Variants in DCLK1 observed in about 807,000 individuals in gnomAD.
DCLK1 encodes doublecortin like kinase 1, also known as serine/threonine-protein kinase DCLK1.
Under a neutral mutation model 86.2 loss-of-function variants are expected in DCLK1, and 16 were observed. The ratio of observed to expected loss-of-function variants is 0.19; its 90% CI spans 0.13 to 0.28. The LOEUF (loss-of-function observed/expected upper bound fraction) is 0.28. Ranked by LOEUF, DCLK1 falls within the 10% of genes least tolerant of loss-of-function variation. The pLI is 1.00. For synonymous variants in DCLK1, 369 were observed against 370.5 expected (o/e 1.00, Z 0.05); for missense variants, 590 against 940.2 (o/e 0.63, Z 4.87).
intron 4 of DCLK1, among the ~76,000 whole-genome samples, chr13:35,883,408 C>G (rs1047592966): frequency 6.6e-6 from 1 of 152,140 alleles, no homozygotes; most frequent in African/African-American, 2.4e-5. Flanking sequence ...TCTCCCTTGC[C>G]TCCTCTCTCC....
intron 3 of DCLK1, among the ~76,000 whole-genome samples, chr13:36,105,258 T>C (rs945321152): frequency 1.3e-5 from 2 of 148,422 alleles, no homozygotes; most frequent in Non-Finnish European, 3.0e-5. Context: ...ATATGATTAG[T>C]CATTATAAAA....
At chr13:36,116,128 T>C (rs1374564020) in intron 2 of DCLK1, among the ~76,000 whole-genome samples, 1 of 151,760 alleles carries the variant, frequency 6.6e-6, no homozygotes, top group Admixed American at 6.6e-5. Context: ...TTTTATATTT[T>C]TAGTAGAGAC....
At chr13:35,847,634 AG>A (rs1870291671) in intron 6 of DCLK1, 1 of 854,840 alleles carries the variant, frequency 1.2e-6, no homozygotes, top group African/African-American at 1.9e-5. Flanking sequence ...AAAGAAAGAA[AG>A]AAAGAAAGAA....
chr13:36,007,105 T>C (rs1355106405), intron 3 of DCLK1, among the ~76,000 whole-genome samples: 3 of 152,214 alleles, frequency 2.0e-5, no homozygotes, highest in East Asian at 3.9e-4. Flanking sequence ...CAAGGCTCAT[T>C]GGTCAACTCA....
At chr13:35,793,152 G>A (rs551365466) in intron 16 of DCLK1, among the ~76,000 whole-genome samples, 9 of 152,128 alleles carry the variant, frequency 5.9e-5, no homozygotes, top group Non-Finnish European at 1.3e-4. Flanking sequence ...AGACACCCTG[G>A]AGGTGTTGGA....
intron 4 of DCLK1, among the ~76,000 whole-genome samples, chr13:35,885,971 G>T (rs1873204272): frequency 1.3e-5 from 2 of 151,442 alleles, no homozygotes; most frequent in East Asian, 3.9e-4. Context: ...CTCTTAGACA[G>T]CAGGGAAAGC....
At chr13:35,992,544 C>T (rs1354504990) in intron 3 of DCLK1, among the ~76,000 whole-genome samples, 1 of 151,768 alleles carries the variant, frequency 6.6e-6, no homozygotes, top group Non-Finnish European at 1.5e-5. Context: ...CACTGGAAAT[C>T]TACTCCTGAC....
At chr13:35,912,820 T>C (rs919988879) in intron 4 of DCLK1, among the ~76,000 whole-genome samples, 1 of 152,104 alleles carries the variant, frequency 6.6e-6, no homozygotes, top group Non-Finnish European at 1.5e-5. Flanking sequence ...ACTGAGCTGA[T>C]AACACACCAC....
intron 3 of DCLK1, among the ~76,000 whole-genome samples, chr13:36,096,806 G>T (rs1317748688): frequency 6.6e-6 from 1 of 152,148 alleles, no homozygotes; most frequent in East Asian, 1.9e-4. Context: ...AGGTAGGAGA[G>T]AAGAATAGAC....
intron 3 of DCLK1, among the ~76,000 whole-genome samples, chr13:35,957,356 A>C (rs1384623131): frequency 6.6e-6 from 1 of 152,024 alleles, no homozygotes. Flanking sequence ...AATTTTGTTG[A>C]CTCTTACTCA....
intron 4 of DCLK1, among the ~76,000 whole-genome samples, chr13:35,878,396 C>T (rs1170326023): frequency 6.6e-6 from 1 of 152,052 alleles, no homozygotes; most frequent in Admixed American, 6.6e-5. Context: ...GTAAGACTCC[C>T]ATCCTACTGC....
intron 15 of DCLK1, among the ~76,000 whole-genome samples, chr13:35,799,237 T>C (rs1593601271): frequency 9.2e-6 from 1 of 108,130 alleles, no homozygotes; most frequent in African/African-American, 5.7e-5. Context: ...GGCTTCAGGC[T>C]TGAGCCTCAG....
intron 16 of DCLK1, among the ~76,000 whole-genome samples, chr13:35,786,349 T>C (rs1353503434): frequency 1.3e-5 from 2 of 152,258 alleles, no homozygotes; most frequent in Non-Finnish European, 2.9e-5. Context: ...TAATTGTATA[T>C]TAACTTTACA....
At chr13:36,013,809 G>A (rs1388639128) in intron 3 of DCLK1, among the ~76,000 whole-genome samples, 3 of 152,162 alleles carry the variant, frequency 2.0e-5, no homozygotes, top group Non-Finnish European at 2.9e-5. Context: ...GGGCAATGGC[G>A]GGCGCCCCTC....
intron 3 of DCLK1, among the ~76,000 whole-genome samples, chr13:36,045,356 A>G (rs1459132031): frequency 2.3e-5 from 3 of 127,900 alleles, no homozygotes; most frequent in African/African-American, 6.0e-5. Context: ...ATATATATAT[A>G]TATATATATA....
chr13:35,774,784 G>T, intron 16 of DCLK1, 85 bp from the exon 17 acceptor site: 1 of 1,443,092 alleles, frequency 6.9e-7, no homozygotes, highest in Non-Finnish European at 9.4e-7. Flanking sequence ...TCTGAGGTCA[G>T]AAAAAATACA....
At chr13:35,794,043 A>C (rs1371717475) in intron 15 of DCLK1, among the ~76,000 whole-genome samples, 1 of 152,176 alleles carries the variant, frequency 6.6e-6, no homozygotes, top group African/African-American at 2.4e-5. Context: ...GCTGCCTTCA[A>C]ATCATCTGTT....
intron 4 of DCLK1, among the ~76,000 whole-genome samples, chr13:35,887,435 T>A (rs149807330): frequency 1.6e-3 from 247 of 152,246 alleles, no homozygotes; most frequent in African/African-American, 5.4e-3. Context: ...GCTGTCCTGT[T>A]CTCTGGATTT....
intron 2 of DCLK1, among the ~76,000 whole-genome samples, chr13:36,118,892 T>C (rs1217813550): frequency 6.6e-6 from 1 of 152,176 alleles, no homozygotes; most frequent in African/African-American, 2.4e-5. Context: ...GCCTTTTCAT[T>C]GTATCTTCAC....
Sources: allele counts gnomAD v4.1 joint callset (sites outside exome capture counted in the v4.1 genomes callset), GRCh38; gene constraint gnomAD v4.1.1; transcripts MANE v1.5; gene names NCBI Gene and HGNC (gene_info 2026-07-23, HGNC 2026-07-21).